The following ACO1 variants were observed in gnomAD, a reference collection of about 807,000 sequenced individuals.
ACO1 encodes the protein cytoplasmic aconitate hydratase.
Under a neutral mutation model 105.1 loss-of-function variants are expected in ACO1, and 78 were observed. That is an observed-to-expected ratio of 0.74 (90% CI 0.62 to 0.90). The LOEUF (loss-of-function observed/expected upper bound fraction) is 0.90, where lower values mean the gene tolerates loss of function less well. Among genes scored for constraint, ACO1 ranks in the 40% least tolerant of loss-of-function variants. The probability of loss-of-function intolerance (pLI) is 0.00; values close to 1 mark genes in which losing one functional copy is unlikely to be tolerated. For missense variants in ACO1, 965 were observed against 1,111.1 expected (o/e 0.87, Z 1.87); for synonymous variants, 364 against 397.4 (o/e 0.92, Z 1.00).
intron 2 of ACO1, among the ~76,000 whole-genome samples, chr9:32,406,740 A>C (rs1193035433): frequency 6.6e-6 from 1 of 152,214 alleles, no homozygotes; most frequent in Non-Finnish European, 1.5e-5. Flanking sequence ...ATACCAAAGA[A>C]TAATATTTTA....
rs1822737443 is a variant in ACO1, at chr9:32,450,416, C to T, written c.*305C>T. 1 of 410,012 alleles carries T rather than the reference C, an allele frequency of 2.4e-6. No individual in the cohort carries two copies. The highest frequency in any genetic ancestry group is 4.6e-6 in the Non-Finnish European group (1 of 215,326). 25.4% of individuals were successfully genotyped at this position (410,012 alleles called of 1,614,324 possible). On this transcript the variant is annotated 3_prime_UTR_variant, in exon 21 of 21. Coordinates refer to ENST00000309951, the MANE Select transcript of ACO1 (RefSeq NM_002197.3). The stretch of plus-strand genomic sequence containing the variant: ...TACTGATCACAGGACGTTGCTTTTT[C>T]ACTGTTTCCTATTAATCTTCAGCTG...
Position 32,398,084 on chromosome 9 carries a change from T to A in ACO1, c.-22-7401T>A, listed in dbSNP as rs573800355. On this transcript the variant is annotated intron_variant, in intron 1 of 20. Transcript: ENST00000309951. ...CTGCTGCCTGGGTTTATTCCTCTCC[T>A]GTGCTCCTCCTCCTGCTGTGTGGAA... Among the ~76,000 whole-genome samples the A allele has an allele frequency of 1.4e-4, 22 of 152,328 alleles. No individual in the cohort carries two copies. The South Asian group carries it at 2.3e-3, about 16-fold the overall frequency.
At position 32,454,261 on chromosome 9, in the gene ACO1, C is replaced by A. The variant is rs1183873665; in HGVS notation, c.*4150C>A. The A allele has an allele frequency of 6.6e-6, 1 of 152,258 alleles. No homozygotes were observed. Among genetic ancestry groups the A allele is most frequent in the East Asian group, 1.9e-4 (1 of 5,202 alleles). The allele number at this position is 152,258 out of a possible 1,614,324, so 9.4% of individuals were successfully genotyped here. A position where few individuals can be genotyped will look rare whatever the true frequency, so the allele number is the denominator to read the frequency against. On this transcript the variant is annotated 3_prime_UTR_variant, in exon 21 of 21. Transcript: ENST00000309951. ...AACCCACCTGACCACAGACTGCTTT[C>A]TTCTGGGCGTTCACGCACTGTGCTC...
At chr9:32,418,621 G>C (rs1821904158) in intron 6 of ACO1, 110 bp downstream of exon 6, 1 of 1,284,362 alleles carries the variant, frequency 7.8e-7, no homozygotes, top group African/African-American at 1.5e-5. Context: ...CGAGAGGTAT[G>C]TTTGTCAGTT....
At position 32,420,870 on chromosome 9, in the gene ACO1, T is replaced by G. The variant is rs1821957686; in HGVS notation, c.813T>G (p.Val271=). 2 of 1,613,760 alleles carry G rather than the reference T, an allele frequency of 1.2e-6. No homozygotes were observed. Among genetic ancestry groups the G allele is most frequent in the African/African-American group, 1.3e-5 (1 of 75,036 alleles). The change falls in exon 8 of 21, where the codon GTT becomes GTG. Residue 271 remains valine (V), a synonymous_variant. Transcript: ENST00000309951. ...CTGCTGCTTAGCACCTCCGCCAGGT[T>G]GGGGTAGTGGGCAAATTTGTCGAGT... is the stretch of plus-strand genomic sequence containing the variant. The part of the protein sequence containing the change: ...VLTITKHLRQ[V]GVVGKFVEFF...
chr9:32,418,363 TC>T lies in ACO1; in HGVS notation c.515del (p.Pro172LeufsTer9). 6.2e-7 allele frequency: 1 copy of T among 1,614,134 alleles called. No individual in the cohort carries two copies. Among genetic ancestry groups the T allele is most frequent in the Non-Finnish European group, 8.5e-7 (1 of 1,180,016 alleles). ...AGGCTTTTCACAACATGCGGATTAT[TC>T]CCCCTGGCTCAGGAATCATCCACCA... ...SQAFHNMRIIPPGSGIIHQVN... is the reference protein window; with the variant it reads ...SQAFHNMRIIXPGSGIIHQVN... On this transcript the variant is annotated frameshift_variant, in exon 6 of 21. Transcript: ENST00000309951. LOFTEE classifies it high-confidence loss of function.
At chr9:32,405,977 C>T (rs554893074) in intron 2 of ACO1, among the ~76,000 whole-genome samples, 1 of 152,202 alleles carries the variant, frequency 6.6e-6, no homozygotes, top group African/African-American at 2.4e-5. Flanking sequence ...GACAAGAACA[C>T]AGTCTTTTTT....
At chr9:32,391,835 C>G (rs908925057) in intron 1 of ACO1, among the ~76,000 whole-genome samples, 1 of 152,208 alleles carries the variant, frequency 6.6e-6, no homozygotes, top group Non-Finnish European at 1.5e-5. Context: ...AAGCCATTGC[C>G]AAGAATCTGC....
chr9:32,433,839 C>G lies in ACO1; in HGVS notation c.1956+7C>G. On this transcript the variant is annotated splice_region_variant and intron_variant, in intron 16 of 20. Transcript: ENST00000309951. ...ACCATTCTTTGAAAACCTGGTATGGCTTTTTATTTTTTAACAAAATGAATT... is the reference window on the plus strand; with the variant it reads ...ACCATTCTTTGAAAACCTGGTATGGGTTTTTATTTTTTAACAAAATGAATT... 1.3e-6 allele frequency: 2 copies of G among 1,571,774 alleles called. No homozygotes were observed. Among genetic ancestry groups the G allele is most frequent in the Middle Eastern group, 1.7e-4 (1 of 5,878 alleles).
chr9:32,407,436 C>A lies in ACO1; in HGVS notation c.266+7C>A. 5 of 1,608,124 alleles carry A rather than the reference C, an allele frequency of 3.1e-6. No homozygotes were observed. Among genetic ancestry groups the A allele is most frequent in the Non-Finnish European group, 4.3e-6 (5 of 1,175,522 alleles). On this transcript the variant is annotated splice_region_variant and intron_variant, in intron 3 of 20. Transcript: ENST00000309951. Reference sequence around the variant, plus strand: ...TCATCCTGCAGGACTTTACGTGAGCCTAATGTCACTTCACTCTCCTTTGCC... The same window carrying A: ...TCATCCTGCAGGACTTTACGTGAGCATAATGTCACTTCACTCTCCTTTGCC...
chr9:32,422,852 T>C (rs1318488043), intron 8 of ACO1, among the ~76,000 whole-genome samples: 1 of 152,212 alleles, frequency 6.6e-6, no homozygotes, highest in Admixed American at 6.5e-5. Context: ...ACATTTAAAA[T>C]GTTTAGGACA....
chr9:32,385,675 G>A (rs1025170543), intron 1 of ACO1, among the ~76,000 whole-genome samples: 4 of 152,208 alleles, frequency 2.6e-5, no homozygotes, highest in African/African-American at 7.2e-5. Context: ...GCTGGATTCT[G>A]ATAGCTGCTT....
rs1822763671 is a variant in ACO1 at position 32,451,358 on chromosome 9, G to C, written c.*1247G>C. 1 of 152,152 alleles carries C rather than the reference G, an allele frequency of 6.6e-6. No homozygotes were observed. The highest frequency in any genetic ancestry group is 2.4e-5 in the African/African-American group (1 of 41,426). 9.4% of individuals were successfully genotyped at this position (152,152 alleles called of 1,614,324 possible). A position where few individuals can be genotyped will look rare whatever the true frequency, so the allele number is the denominator to read the frequency against. ...CATGGCATTTCTTTGGTATGTGCCT[G>C]GTGGGGGAGAGAGAAAATAGGCTCT... On this transcript the variant is annotated 3_prime_UTR_variant, in exon 21 of 21. Coordinates refer to ENST00000309951, the MANE Select transcript of ACO1 (RefSeq NM_002197.3).
At chr9:32,432,580 C>G (rs1822263846) in intron 15 of ACO1, among the ~76,000 whole-genome samples, 1 of 152,128 alleles carries the variant, frequency 6.6e-6, no homozygotes, top group Non-Finnish European at 1.5e-5. Flanking sequence ...GTTAATGGAC[C>G]TGTGGACAGA....
rs796699494 is a variant in ACO1, at chr9:32,410,888, C to A, written c.404+2237C>A. Among the ~76,000 whole-genome samples, 16 of 152,186 alleles carry A rather than the reference C, an allele frequency of 1.1e-4. No homozygotes were observed. In the East Asian group the frequency reaches 2.7e-3, roughly 26 times the overall value. The stretch of plus-strand genomic sequence containing the variant: ...AGCACAGTCAGGAAGCTCTGCTTTG[C>A]ACTGCAGTAGCCAGGTTGGGAGCTT... On this transcript the variant is annotated intron_variant, in intron 4 of 20. Coordinates refer to ENST00000309951, the MANE Select transcript of ACO1 (RefSeq NM_002197.3).
intron 4 of ACO1, among the ~76,000 whole-genome samples, chr9:32,415,000 C>T (rs557142798): frequency 7.9e-5 from 12 of 151,742 alleles, no homozygotes; most frequent in Non-Finnish European, 1.5e-4. Flanking sequence ...TTTCAAGGAG[C>T]GTCACCTGAT....
intron 12 of ACO1, 47 bp from the exon 13 acceptor site, chr9:32,429,372 A>C (rs774418621): frequency 2.5e-6 from 4 of 1,582,950 alleles, no homozygotes; most frequent in Non-Finnish European, 3.5e-6. Context: ...GGGCTCACTG[A>C]AAGTTATTCT....
At chr9:32,445,152 T>A (rs1822571320) in intron 19 of ACO1, among the ~76,000 whole-genome samples, 1 of 152,202 alleles carries the variant, frequency 6.6e-6, no homozygotes, top group Admixed American at 6.5e-5. Flanking sequence ...GGATTCCCTC[T>A]TTTTCTATTG....
chr9:32,406,264 C>T (rs1186198847), intron 2 of ACO1, among the ~76,000 whole-genome samples: 1 of 151,426 alleles, frequency 6.6e-6, no homozygotes, highest in Non-Finnish European at 1.5e-5. Flanking sequence ...ATTTCTTGAG[C>T]ATTAGTTTCA....
Sources: gnomAD v4.1 joint callset for allele counts (sites outside exome capture counted in the v4.1 genomes callset) on GRCh38, gnomAD v4.1.1 for gene constraint, MANE v1.5 for transcripts, NCBI Gene and HGNC (gene_info 2026-07-23, HGNC 2026-07-21) for gene names.